The following RCOR1 variants were observed in gnomAD, a reference collection of about 807,000 sequenced individuals.
RCOR1 encodes REST corepressor 1.
RCOR1 carries 12 observed loss-of-function variants against 64.0 expected under a neutral mutation model. That is an observed-to-expected ratio of 0.19 (90% CI 0.12 to 0.30). The LOEUF is 0.30. Among genes scored for constraint, RCOR1 ranks in the 10% least tolerant of loss-of-function variants. RCOR1 has a pLI of 1.00. For synonymous variants in RCOR1, 279 were observed against 227.2 expected, an observed-to-expected ratio of 1.23 and a Z score of -2.05; for missense variants, 502 against 621.2, an observed-to-expected ratio of 0.81 and a Z score of 2.04.
Position 102,722,401 on chromosome 14 carries a change from C to G in RCOR1, c.1404C>G (p.Pro468=). 3.1e-6 allele frequency: 5 copies of G among 1,612,266 alleles called. No individual in the cohort carries two copies. Among genetic ancestry groups the G allele is most frequent in the Non-Finnish European group, 3.4e-6 (4 of 1,179,016 alleles). ...CCCCAGATAATTCCATTAAGATGCC[C>G]GAAGAGGAAGACGAGGTAAATCTGA... ...VKSPDNSIKM[P]EEEDEAPVLD... is the part of the protein sequence containing the mutation. The change falls in exon 11 of 12, where the codon CCC becomes CCG. Residue 468 remains proline (P), a synonymous_variant. Coordinates refer to ENST00000262241, the MANE Select transcript of RCOR1 (RefSeq NM_015156.4).
intron 2 of RCOR1, among the ~76,000 whole-genome samples, chr14:102,677,161 A>AC (rs761975506): frequency 0.039 from 2,499 of 63,664 alleles, 65 homozygotes; most frequent in Admixed American, 0.048. Context: ...CGGGGGGCTG[A>AC]CCCCCCCCCA....
chr14:102,714,691 T>A (rs1896032389), intron 8 of RCOR1, 74 bp downstream of exon 8: 1 of 1,179,770 alleles, frequency 8.5e-7, no homozygotes, highest in East Asian at 2.4e-5. Context: ...TTCATATATG[T>A]GAATGTTCTC....
chr14:102,622,936 C>G (rs1468976085), intron 2 of RCOR1, among the ~76,000 whole-genome samples: 1 of 152,192 alleles, frequency 6.6e-6, no homozygotes, highest in Non-Finnish European at 1.5e-5. Context: ...CTCTTTAACT[C>G]TAGTAATGCT....
At chr14:102,597,737 A>T (rs1370983484) in intron 2 of RCOR1, among the ~76,000 whole-genome samples, 1 of 143,770 alleles carries the variant, frequency 7.0e-6, no homozygotes, top group Non-Finnish European at 1.5e-5. Context: ...GGGTTCAAGC[A>T]GTTCTCCTGC....
At chr14:102,694,526 C>T (rs1253648870) in intron 3 of RCOR1, among the ~76,000 whole-genome samples, 1 of 152,204 alleles carries the variant, frequency 6.6e-6, no homozygotes, top group African/African-American at 2.4e-5. Context: ...CCACCCGCCT[C>T]GTCCTCCCAA....
At chr14:102,598,382 G>A (rs1412269071) in intron 2 of RCOR1, among the ~76,000 whole-genome samples, 1 of 151,682 alleles carries the variant, frequency 6.6e-6, no homozygotes, top group East Asian at 1.9e-4. Flanking sequence ...ATTTAATTCT[G>A]TCATGCCTTA....
At chr14:102,657,639 A>G (rs187702284) in intron 2 of RCOR1, 14 of 596,586 alleles carry the variant, frequency 2.3e-5, no homozygotes, top group Non-Finnish European at 2.9e-5. Context: ...GGAGTTCGAG[A>G]CCAGCCTGGC....
In RCOR1 at chr14:102,593,193, T is replaced by G. The variant is rs1338013968; in HGVS notation, c.301+6T>G. On this transcript the variant is annotated splice_donor_region_variant and intron_variant, in intron 1 of 11. Transcript: ENST00000262241. Reference sequence around the variant, plus strand: ...GTCCAGCGACGAGGAGCACGGTAGGTGGCAGCCGCCCCCGCGGCCCCGGGC... The same window carrying G: ...GTCCAGCGACGAGGAGCACGGTAGGGGGCAGCCGCCCCCGCGGCCCCGGGC... 1 of 1,489,320 alleles carries G rather than the reference T, an allele frequency of 6.7e-7. No individual in the cohort carries two copies. The allele number at this position is 1,489,320 out of a possible 1,614,324, so 92.3% of individuals were successfully genotyped here.
chr14:102,614,720 C>T (rs898619180), intron 2 of RCOR1, among the ~76,000 whole-genome samples: 2 of 151,704 alleles, frequency 1.3e-5, no homozygotes, highest in Admixed American at 6.6e-5. Context: ...GCTACAGGGC[C>T]GAACTCTATA....
chr14:102,699,902 T>C (rs1895722415), intron 3 of RCOR1, among the ~76,000 whole-genome samples: 2 of 152,108 alleles, frequency 1.3e-5, no homozygotes, highest in African/African-American at 2.4e-5. Flanking sequence ...AGGGAGGAAA[T>C]TGATTCATCT....
intron 2 of RCOR1, among the ~76,000 whole-genome samples, chr14:102,678,426 A>T (rs1264061242): frequency 6.6e-6 from 1 of 152,064 alleles, no homozygotes; most frequent in African/African-American, 2.4e-5. Flanking sequence ...CAGCCTCCTG[A>T]GTAGCTGGGT....
At chr14:102,721,934 G>T (rs1401930748) in intron 10 of RCOR1, among the ~76,000 whole-genome samples, 1 of 152,160 alleles carries the variant, frequency 6.6e-6, no homozygotes, top group Non-Finnish European at 1.5e-5. Context: ...CAACCCTAGG[G>T]CAATTGCTGG....
intron 2 of RCOR1, among the ~76,000 whole-genome samples, chr14:102,623,008 G>C (rs758042583): frequency 6.6e-6 from 1 of 152,046 alleles, no homozygotes; most frequent in Non-Finnish European, 1.5e-5. Flanking sequence ...CTTTTTGTTC[G>C]TGTTTGAATG....
chr14:102,712,114 T>C (rs1232139980), intron 7 of RCOR1, among the ~76,000 whole-genome samples: 3 of 152,118 alleles, frequency 2.0e-5, no homozygotes, highest in Non-Finnish European at 4.4e-5. Context: ...GCTCAAGCAG[T>C]CCTTCCACTA....
Position 102,728,908 on chromosome 14 carries a change from C to T in RCOR1, c.*2402C>T, listed in dbSNP as rs1896319948. ...GTTTTAAACTGTTGCATTACACTGT[C>T]TTTGCAATGATGTAAATGTAAGAAA... On this transcript the variant is annotated 3_prime_UTR_variant, in exon 12 of 12. Coordinates refer to ENST00000262241, the MANE Select transcript of RCOR1 (RefSeq NM_015156.4). 6.6e-6 allele frequency: 1 copy of T among 152,556 alleles called. No homozygotes were observed. The highest frequency in any genetic ancestry group is 1.5e-5 in the Non-Finnish European group (1 of 68,036). 9.5% of individuals were successfully genotyped at this position (152,556 alleles called of 1,614,324 possible).
At chr14:102,706,564 G>A (rs955109943) in intron 4 of RCOR1, among the ~76,000 whole-genome samples, 2 of 152,100 alleles carry the variant, frequency 1.3e-5, no homozygotes, top group Admixed American at 6.6e-5. Flanking sequence ...TAGAATTACC[G>A]TATTATCCAC....
chr14:102,673,503 A>G (rs1232561779), intron 2 of RCOR1, among the ~76,000 whole-genome samples: 3 of 151,138 alleles, frequency 2.0e-5, no homozygotes, highest in East Asian at 1.9e-4. Flanking sequence ...TGCCCGGCTA[A>G]TTTTTGTATT....
intron 10 of RCOR1, 74 bp from the exon 11 acceptor site, chr14:102,722,113 A>C: frequency 9.7e-7 from 1 of 1,029,950 alleles, no homozygotes; most frequent in Non-Finnish European, 1.5e-6. Context: ...CTGGATAAAG[A>C]GGTAAGTGTC....
intron 2 of RCOR1, among the ~76,000 whole-genome samples, chr14:102,620,232 CTT>C (rs1211505358): frequency 6.7e-6 from 1 of 148,438 alleles, no homozygotes; most frequent in Admixed American, 6.7e-5. Flanking sequence ...TCACCACACA[CTT>C]ATACACACAC....
Sources: gnomAD v4.1 joint callset for allele counts (sites outside exome capture counted in the v4.1 genomes callset) on GRCh38, gnomAD v4.1.1 for gene constraint, MANE v1.5 for transcripts, NCBI Gene and HGNC (gene_info 2026-07-23, HGNC 2026-07-21) for gene names.